LSAMP: variants seen among roughly 807,000 people sequenced by gnomAD.
LSAMP encodes limbic system-associated membrane protein.
LSAMP carries 7 observed loss-of-function variants against 38.6 expected under a neutral mutation model. That is an observed-to-expected ratio of 0.18 (90% CI 0.10 to 0.34). The LOEUF (loss-of-function observed/expected upper bound fraction) is 0.34, where lower values mean the gene tolerates loss of function less well. Among genes scored for constraint, LSAMP ranks in the 10% least tolerant of loss-of-function variants. The pLI is 1.00. For synonymous variants in LSAMP, 154 were observed against 166.8 expected (o/e 0.92, Z 0.59); for missense variants, 313 against 420.0 (o/e 0.75, Z 2.23).
chr3:116,111,280 G>A (rs561385619), intron 1 of LSAMP, among the ~76,000 whole-genome samples: 70 of 152,138 alleles, frequency 4.6e-4, no homozygotes, highest in Non-Finnish European at 3.8e-4. Flanking sequence ...AGTTGGCTCC[G>A]GACTGCCAGA....
At chr3:115,860,077 T>C (rs1445003573) in intron 3 of LSAMP, among the ~76,000 whole-genome samples, 4 of 152,262 alleles carry the variant, frequency 2.6e-5, no homozygotes, top group African/African-American at 9.6e-5. Flanking sequence ...ATCCCTTCCC[T>C]AGTGTGTAGC....
chr3:116,327,113 T>C (rs1576130170), intron 1 of LSAMP, among the ~76,000 whole-genome samples: 1 of 152,188 alleles, frequency 6.6e-6, no homozygotes, highest in African/African-American at 2.4e-5. Flanking sequence ...CTAAGGATCT[T>C]GTTAAAATCC....
At chr3:116,069,217 C>T (rs1338231603) in intron 2 of LSAMP, among the ~76,000 whole-genome samples, 2 of 152,194 alleles carry the variant, frequency 1.3e-5, no homozygotes, top group Non-Finnish European at 2.9e-5. Flanking sequence ...CTTCTTAGCA[C>T]GTTTCAGCTC....
At chr3:116,326,074 CT>C (rs1399130999) in intron 1 of LSAMP, among the ~76,000 whole-genome samples, 1 of 152,022 alleles carries the variant, frequency 6.6e-6, no homozygotes, top group African/African-American at 2.4e-5. Flanking sequence ...TCAGTATAAT[CT>C]TTTTTTCTAA....
At chr3:116,114,972 G>A (rs1171211464) in intron 1 of LSAMP, among the ~76,000 whole-genome samples, 2 of 152,140 alleles carry the variant, frequency 1.3e-5, no homozygotes, top group African/African-American at 2.4e-5. Context: ...AAATGTAGAT[G>A]CTTTTCAATA....
chr3:116,256,573 T>C (rs961061639), intron 1 of LSAMP, among the ~76,000 whole-genome samples: 5 of 152,206 alleles, frequency 3.3e-5, no homozygotes, highest in Non-Finnish European at 7.3e-5. Context: ...TGTAATTATA[T>C]ACAACATATC....
At chr3:116,398,452 G>A (rs1431540718) in intron 1 of LSAMP, among the ~76,000 whole-genome samples, 1 of 152,124 alleles carries the variant, frequency 6.6e-6, no homozygotes, top group East Asian at 1.9e-4. Flanking sequence ...TGAATCAACG[G>A]ATAATTTGAA....
At chr3:115,878,954 T>C (rs1182659921) in intron 3 of LSAMP, among the ~76,000 whole-genome samples, 1 of 152,098 alleles carries the variant, frequency 6.6e-6, no homozygotes, top group African/African-American at 2.4e-5. Flanking sequence ...TCTGAAGCCT[T>C]GGTATTTGCC....
At chr3:115,976,022 C>T (rs1314425415) in intron 3 of LSAMP, among the ~76,000 whole-genome samples, 2 of 152,180 alleles carry the variant, frequency 1.3e-5, no homozygotes, top group African/African-American at 2.4e-5. Flanking sequence ...TCTTCAGCTT[C>T]TTTCACCATG....
intron 3 of LSAMP, among the ~76,000 whole-genome samples, chr3:115,924,058 C>T (rs1188154244): frequency 6.6e-6 from 1 of 152,000 alleles, no homozygotes; most frequent in Non-Finnish European, 1.5e-5. Flanking sequence ...TTGTGTAGAG[C>T]AGTTTTGCAA....
chr3:116,080,052 C>A (rs891805711), intron 2 of LSAMP, among the ~76,000 whole-genome samples: 1 of 152,020 alleles, frequency 6.6e-6, no homozygotes, highest in Non-Finnish European at 1.5e-5. Context: ...GTGTGAATAG[C>A]CACATATGAT....
At chr3:116,076,161 G>A (rs888131562) in intron 2 of LSAMP, among the ~76,000 whole-genome samples, 1 of 152,112 alleles carries the variant, frequency 6.6e-6, no homozygotes, top group African/African-American at 2.4e-5. Flanking sequence ...AGACTTTTGA[G>A]CCTTTCATTT....
intron 6 of LSAMP, among the ~76,000 whole-genome samples, chr3:115,828,955 G>T (rs1035408154): frequency 1.3e-5 from 2 of 152,282 alleles, no homozygotes; most frequent in African/African-American, 4.8e-5. Context: ...ACCAGGAAGA[G>T]GCATTAGAAA....
At chr3:116,163,650 A>G (rs909190336) in intron 1 of LSAMP, among the ~76,000 whole-genome samples, 1 of 152,150 alleles carries the variant, frequency 6.6e-6, no homozygotes, top group African/African-American at 2.4e-5. Flanking sequence ...AGGAATCGCC[A>G]CACTGAATTC....
At chr3:115,974,987 G>A (rs1007766846) in intron 3 of LSAMP, among the ~76,000 whole-genome samples, 18 of 152,282 alleles carry the variant, frequency 1.2e-4, no homozygotes, top group African/African-American at 4.3e-4. Flanking sequence ...TTTCTCAACA[G>A]TAAGGGGCAA....
intron 3 of LSAMP, among the ~76,000 whole-genome samples, chr3:115,861,580 T>C (rs1179037884): frequency 6.6e-6 from 1 of 152,156 alleles, no homozygotes; most frequent in Admixed American, 6.5e-5. Context: ...GAATTTCCTG[T>C]AGTCCACTTG....
intron 1 of LSAMP, among the ~76,000 whole-genome samples, chr3:116,407,464 T>C (rs2048911738): frequency 5.9e-5 from 9 of 151,966 alleles, no homozygotes; most frequent in Admixed American, 5.9e-4. Context: ...CCTATGCCAT[T>C]CCCCCCTATA....
At chr3:116,272,219 C>A (rs2046983722) in intron 1 of LSAMP, among the ~76,000 whole-genome samples, 1 of 152,076 alleles carries the variant, frequency 6.6e-6, no homozygotes, top group African/African-American at 2.4e-5. Flanking sequence ...CCCAGTGATG[C>A]ATTTGTGTAT....
chr3:115,938,947 A>G (rs1315355586), intron 3 of LSAMP, among the ~76,000 whole-genome samples: 1 of 152,180 alleles, frequency 6.6e-6, no homozygotes, highest in Non-Finnish European at 1.5e-5. Flanking sequence ...GGGAAACGTC[A>G]GTTTATTGTA....
Sources: allele counts gnomAD v4.1 joint callset (sites outside exome capture counted in the v4.1 genomes callset), GRCh38; gene constraint gnomAD v4.1.1; transcripts MANE v1.5; gene names NCBI Gene and HGNC (gene_info 2026-07-23, HGNC 2026-07-21).